Variants in RNF17 observed in about 807,000 individuals in gnomAD.
The protein encoded by RNF17 is spermatogenesis associated 23.
RNF17 carries 31 observed loss-of-function variants against 200.5 expected under a neutral mutation model. The ratio of observed to expected loss-of-function variants is 0.15; its 90% confidence interval spans 0.12 to 0.21. The LOEUF (loss-of-function observed/expected upper bound fraction) is 0.21. RNF17 is among the 10% of genes least tolerant of loss of function. The pLI, the probability that RNF17 is intolerant of heterozygous loss-of-function variation, is 1.00. For missense variants in RNF17, 1,628 were observed against 1,905.1 expected (o/e 0.85, Z 2.71); for synonymous variants, 606 against 637.8 (o/e 0.95, Z 0.75).
intron 6 of RNF17, 59 bp from the exon 7 acceptor site, chr13:24,787,929 G>A (rs1196995095): frequency 3.0e-6 from 4 of 1,351,944 alleles, no homozygotes; most frequent in African/African-American, 1.5e-5. Context: ...ACTATAGATC[G>A]ACTTTTTCTA....
At position 24,853,937 on chromosome 13, in the gene RNF17, A is replaced by G. The variant is rs755591261; in HGVS notation, c.3403A>G (p.Asn1135Asp). 2 of 1,613,698 alleles carry G rather than the reference A, an allele frequency of 1.2e-6. No homozygotes were observed. Among genetic ancestry groups the G allele is most frequent in the South Asian group, 1.1e-5 (1 of 91,072 alleles). Reference protein sequence around the residue: ...PLEQEDSVVTNCIKTNFDPDK... With the variant: ...PLEQEDSVVTDCIKTNFDPDK... Reference sequence around the variant, plus strand: ...GGAACAGGAAGATTCAGTAGTTACTAACTGTATTAAAACTAACTTTGACCC... The same window carrying G: ...GGAACAGGAAGATTCAGTAGTTACTGACTGTATTAAAACTAACTTTGACCC... Residue 1135 changes from asparagine (N) to aspartate (D), a missense_variant, in exon 25 of 36, where the codon AAC (asparagine) becomes GAC (aspartate). Physicochemically the swap from Asn to Asp is conservative, Grantham distance 23 (BLOSUM62 1). This residue lies in a region of RNF17 where 609 missense variants were observed against 681.9 expected (regional missense o/e 0.89). Transcript: ENST00000255324.
intron 30 of RNF17, among the ~76,000 whole-genome samples, chr13:24,866,546 G>A (rs1289237679): frequency 2.6e-5 from 4 of 152,118 alleles, no homozygotes; most frequent in Admixed American, 1.3e-4. Context: ...GTCCTTTGTC[G>A]CTGGCTTTTC....
At chr13:24,795,201 G>A (rs1336373402) in intron 10 of RNF17, among the ~76,000 whole-genome samples, 1 of 151,776 alleles carries the variant, frequency 6.6e-6, no homozygotes, top group African/African-American at 2.4e-5. Context: ...ACTCCTCCTA[G>A]TCTTTGTTTT....
the RNF17 span, among the ~76,000 whole-genome samples, chr13:24,749,307 C>CTTTTTTTTTTTTTT: frequency 6.0e-4 from 65 of 108,016 alleles, 2 homozygotes; most frequent in East Asian, 1.3e-3. Flanking sequence ...TTCTTTCTTT[C>CTTTTTTTTTTTTTT]TTTTTTTTTT....
In RNF17 at chr13:24,861,256, G is replaced by C. The variant is rs1401673587; in HGVS notation, c.3775-12G>C. On this transcript the variant is annotated splice_polypyrimidine_tract_variant and intron_variant, in intron 26 of 35. Coordinates refer to ENST00000255324, the MANE Select transcript of RNF17 (RefSeq NM_031277.3). ...TAAATTTTAACTATAAATTGTATTT[G>C]TCGTGTTTCAGGTACAATATTTAGA... 1 of 1,569,952 alleles carries C rather than the reference G, an allele frequency of 6.4e-7. No homozygotes were observed. The highest frequency in any genetic ancestry group is 8.7e-7 in the Non-Finnish European group (1 of 1,151,714).
At chr13:24,793,554 T>G (rs1884155543) in intron 10 of RNF17, among the ~76,000 whole-genome samples, 1 of 152,238 alleles carries the variant, frequency 6.6e-6, no homozygotes, top group African/African-American at 2.4e-5. Flanking sequence ...GTAATATAGC[T>G]AACCTCTGAG....
At chr13:24,787,276 A>G (rs547741171) in intron 6 of RNF17, among the ~76,000 whole-genome samples, 2 of 152,220 alleles carry the variant, frequency 1.3e-5, no homozygotes, top group South Asian at 2.1e-4. Flanking sequence ...CTGTTTAAGC[A>G]TATTTAAGAC....
At chr13:24,866,294 T>C in intron 30 of RNF17, 91 bp downstream of exon 30, 1 of 686,500 alleles carries the variant, frequency 1.5e-6, no homozygotes, top group South Asian at 1.9e-5. Flanking sequence ...TTTATAACAG[T>C]TTTATTATTT....
Position 24,838,857 on chromosome 13 carries a change from A to AAG in RNF17, c.2483-3183_2483-3182insGA, listed in dbSNP as rs1158145071. On this transcript the variant is annotated intron_variant, in intron 18 of 35. Transcript: ENST00000255324. Reference sequence around the variant, plus strand: ...CAAGAGAAGGAAAGAAAGGGCATCCAAATCAGTAAAGAAAAAGTTAAACTG... The same window carrying AAG: ...CAAGAGAAGGAAAGAAAGGGCATCCAAGAATCAGTAAAGAAAAAGTTAAACTG... 7.8e-4 allele frequency among the ~76,000 whole-genome samples: 119 copies of AAG among 152,318 alleles called. 1 individual carries two copies. The highest frequency in any genetic ancestry group is 2.6e-3 in the African/African-American group (110 of 41,574).
At chr13:24,773,414 C>A (rs1260780063) in intron 2 of RNF17, among the ~76,000 whole-genome samples, 3 of 152,166 alleles carry the variant, frequency 2.0e-5, no homozygotes, top group African/African-American at 7.2e-5. Flanking sequence ...AACATGGATG[C>A]AGCTGAAGGC....
rs111663059 is a variant in RNF17, at chr13:24,804,235, C to T, written c.1950-53C>T. 13,755 of 1,557,652 alleles carry T rather than the reference C, an allele frequency of 8.8e-3. 940 individuals are homozygous for T. The African/African-American group carries it at 0.16, about 18-fold the overall frequency. On this transcript the variant is annotated intron_variant, in intron 14 of 35. Transcript: ENST00000255324. ...CCATGATAGCACCACTGCACTCCAG[C>T]CTGGGTGACAGGGTGAGACCCTGCT...
chr13:24,810,141 T>C (rs1886412138), intron 15 of RNF17, among the ~76,000 whole-genome samples: 1 of 151,332 alleles, frequency 6.6e-6, no homozygotes, highest in South Asian at 2.1e-4. Flanking sequence ...GAGAGTTCTG[T>C]AGATGTCTAT....
chr13:24,779,194 CA>C lies in RNF17; in HGVS notation c.430-463del, dbSNP rs1054233414. 6.4e-5 allele frequency among the ~76,000 whole-genome samples: 9 copies of C among 141,720 alleles called. No individual in the cohort carries two copies. The South Asian group carries it at 8.8e-4, about 14-fold the overall frequency. The allele number at this position is 141,720 out of a possible 152,430, so 93.0% of individuals were successfully genotyped here. ...CCTGTGCAACAGTGAGACTCTGTCT[CA>C]AAAAAAAAATAAAAAGAAAAAAAAA... On this transcript the variant is annotated intron_variant, in intron 4 of 35. Transcript: ENST00000255324.
chr13:24,794,438 C>T (rs942238398), intron 10 of RNF17: 8 of 301,758 alleles, frequency 2.7e-5, no homozygotes, highest in Non-Finnish European at 4.6e-5. Flanking sequence ...CTTTGTGAGG[C>T]CGAGGCACAT....
At chr13:24,841,502 A>G (rs1305187974) in intron 18 of RNF17, among the ~76,000 whole-genome samples, 2 of 152,230 alleles carry the variant, frequency 1.3e-5, no homozygotes, top group South Asian at 2.1e-4. Context: ...AATGGCACAC[A>G]GTAACCTAAA....
intron 2 of RNF17, among the ~76,000 whole-genome samples, chr13:24,769,650 A>G (rs1469160528): frequency 5.3e-5 from 8 of 152,242 alleles, no homozygotes; most frequent in African/African-American, 1.9e-4. Context: ...TTTATGGAAT[A>G]TTTGAGGAAT....
intron 24 of RNF17, among the ~76,000 whole-genome samples, chr13:24,852,136 C>CTT (rs542414882): frequency 2.4e-4 from 29 of 123,380 alleles, no homozygotes; most frequent in Admixed American, 2.6e-4. Flanking sequence ...CTCTCTCTCT[C>CTT]TTTTTTTTTT....
At chr13:24,826,223 C>A (rs1888619341) in intron 16 of RNF17, 1 of 341,970 alleles carries the variant, frequency 2.9e-6, no homozygotes, top group Non-Finnish European at 4.1e-6. Flanking sequence ...ACTTTTTCTA[C>A]ATCCTCCTTA....
downstream of RNF17, chr13:24,883,399 TAAAA>T (rs141987132): frequency 3.9e-5 from 55 of 1,407,296 alleles, no homozygotes; most frequent in Non-Finnish European, 5.1e-5. Flanking sequence ...TATGATTTCT[TAAAA>T]AAAAAATAAT....
Sources: allele counts gnomAD v4.1 joint callset (sites outside exome capture counted in the v4.1 genomes callset), GRCh38; gene constraint gnomAD v4.1.1; regional missense constraint gnomAD v4.1.1; transcripts MANE v1.5; gene names NCBI Gene and HGNC (gene_info 2026-07-23, HGNC 2026-07-21).